Variants in PTK2 observed in about 807,000 individuals in gnomAD.
PTK2 encodes focal adhesion kinase 1.
In PTK2, 45 loss-of-function variants were observed where a neutral mutation model predicts 150.1. The ratio of observed to expected loss-of-function variants is 0.30; its 90% CI spans 0.24 to 0.38. PTK2 has a LOEUF of 0.38. Among genes scored for constraint, PTK2 ranks in the 10% least tolerant of loss-of-function variants. The pLI is 1.00. For missense variants in PTK2, 919 were observed against 1,307.3 expected (o/e 0.70, Z 4.58); for synonymous variants, 432 against 449.2 (o/e 0.96, Z 0.48).
At chr8:140,726,918 A>G (rs974524193) in intron 22 of PTK2, among the ~76,000 whole-genome samples, 1 of 152,230 alleles carries the variant, frequency 6.6e-6, no homozygotes, top group East Asian at 1.9e-4. Context: ...TGTAACATAC[A>G]TGACAATTTC....
At chr8:140,694,265 T>A (rs1176354945) in intron 26 of PTK2, among the ~76,000 whole-genome samples, 2 of 151,992 alleles carry the variant, frequency 1.3e-5, no homozygotes, top group African/African-American at 4.8e-5. Flanking sequence ...ATGGTCTCGA[T>A]CTCCTGACCT....
At chr8:140,815,619 A>G (rs574379825) in intron 10 of PTK2, among the ~76,000 whole-genome samples, 20 of 152,330 alleles carry the variant, frequency 1.3e-4, no homozygotes, top group African/African-American at 4.6e-4. Flanking sequence ...TGAAATTAAT[A>G]TAACTTTAAC....
intron 28 of PTK2, 142 bp from the exon 32 acceptor site, chr8:140,674,546 C>G (rs1414697942): frequency 1.5e-6 from 1 of 684,576 alleles, no homozygotes; most frequent in African/African-American, 1.8e-5. Context: ...TCGAGATCAG[C>G]CTGACCAACA....
At position 140,957,654 on chromosome 8, in the gene PTK2, C is replaced by T. The variant is rs148429474; in HGVS notation, c.-121-31905G>A. Among the ~76,000 whole-genome samples, 31 of 152,184 alleles carry T rather than the reference C, an allele frequency of 2.0e-4. No individual in the cohort carries two copies. In the East Asian group the frequency reaches 5.4e-3, roughly 27 times the overall value. On this transcript the variant is annotated intron_variant, in intron 1 of 31. Transcript: ENST00000522684. ...TCCATTCCATTCATGCATGTAAGTG[C>T]CCTATACAGGTATATTTTTTAATCT...
At chr8:140,984,392 C>G (rs917130321) in intron 1 of PTK2, among the ~76,000 whole-genome samples, 4 of 152,168 alleles carry the variant, frequency 2.6e-5, no homozygotes, top group African/African-American at 9.7e-5. Flanking sequence ...CAATGCCTAG[C>G]TACTCCAAGT....
At chr8:140,706,062 C>T in intron 24 of PTK2, 57 bp downstream of exon 27, 2 of 1,401,346 alleles carry the variant, frequency 1.4e-6, no homozygotes, top group Admixed American at 3.4e-5. Flanking sequence ...TACCGCTCTA[C>T]CCCAAAAGCG....
chr8:140,705,009 G>C (rs144933115), intron 24 of PTK2, among the ~76,000 whole-genome samples: 9 of 152,236 alleles, frequency 5.9e-5, no homozygotes, highest in African/African-American at 1.2e-4. Flanking sequence ...TCTCAGAACA[G>C]TGTCTCCCAA....
chr8:140,975,760 A>C (rs1415583514), intron 1 of PTK2, among the ~76,000 whole-genome samples: 3 of 152,210 alleles, frequency 2.0e-5, no homozygotes, highest in Admixed American at 6.5e-5. Context: ...CTTGCCCTCC[A>C]GATTGCCTGA....
At chr8:140,764,316 G>T in intron 14 of PTK2, 26 bp from the exon 17 acceptor site, 3 of 1,562,420 alleles carry the variant, frequency 1.9e-6, no homozygotes, top group Non-Finnish European at 2.6e-6. Context: ...CAGATATGTT[G>T]AAAGAGGTTA....
chr8:140,797,053 TG>T (rs1482941212), intron 12 of PTK2, among the ~76,000 whole-genome samples: 1 of 152,216 alleles, frequency 6.6e-6, no homozygotes, highest in African/African-American at 2.4e-5. Context: ...TTTGTATGAC[TG>T]ATTTCCAGGA....
chr8:140,695,009 TC>T (rs553538379), intron 26 of PTK2, among the ~76,000 whole-genome samples: 123 of 152,320 alleles, frequency 8.1e-4, no homozygotes, highest in Non-Finnish European at 7.3e-4. Flanking sequence ...AAAATCTGCA[TC>T]TCCAGCGCAG....
intron 13 of PTK2, among the ~76,000 whole-genome samples, chr8:140,792,831 G>A (rs1216557351): frequency 6.6e-6 from 1 of 152,126 alleles, no homozygotes; most frequent in East Asian, 1.9e-4. Context: ...GTTTACCTAT[G>A]TATCTGATTG....
intron 4 of PTK2, among the ~76,000 whole-genome samples, chr8:140,875,409 A>T (rs187050588): frequency 2.5e-4 from 38 of 152,336 alleles, no homozygotes; most frequent in African/African-American, 8.4e-4. Context: ...AAAGAACTCT[A>T]AAATATATTA....
chr8:140,733,358 G>A (rs927418340), intron 22 of PTK2, among the ~76,000 whole-genome samples: 2 of 152,192 alleles, frequency 1.3e-5, no homozygotes, highest in Non-Finnish European at 1.5e-5. Context: ...ACAGACAGAG[G>A]TAAGCAGCAA....
chr8:140,670,006 A>C, intron 29 of PTK2: 1 of 451,930 alleles, frequency 2.2e-6, no homozygotes, highest in East Asian at 3.5e-5. Context: ...GGGAACATGC[A>C]AAGCCCGAGG....
intron 7 of PTK2, among the ~76,000 whole-genome samples, chr8:140,836,473 A>G (rs1042030996): frequency 2.6e-5 from 4 of 152,246 alleles, no homozygotes; most frequent in Non-Finnish European, 4.4e-5. Flanking sequence ...TGTAGCCCCA[A>G]TGACTGAGAA....
intron 22 of PTK2, among the ~76,000 whole-genome samples, chr8:140,731,305 GAC>G (rs1450043377): frequency 6.6e-6 from 1 of 152,050 alleles, no homozygotes; most frequent in Admixed American, 6.6e-5. Context: ...CTTATAACCT[GAC>G]AGTCATAAAG....
chr8:140,881,509 T>C (rs998506013), intron 3 of PTK2, among the ~76,000 whole-genome samples: 12 of 152,204 alleles, frequency 7.9e-5, no homozygotes, highest in African/African-American at 2.7e-4. Flanking sequence ...GTAAGTCTCC[T>C]TGCTCCACAG....
chr8:140,708,605 A>G (rs2100035099), intron 23 of PTK2, among the ~76,000 whole-genome samples: 1 of 152,126 alleles, frequency 6.6e-6, no homozygotes, highest in Non-Finnish European at 1.5e-5. Context: ...TTCCAGAAAG[A>G]GTCTACTCTA....
Sources: allele counts gnomAD v4.1 joint callset (sites outside exome capture counted in the v4.1 genomes callset), GRCh38; gene constraint gnomAD v4.1.1; transcripts MANE v1.5; gene names NCBI Gene and HGNC (gene_info 2026-07-23, HGNC 2026-07-21).